Variants in MAOB observed in about 807,000 individuals in gnomAD.
MAOB encodes the protein monoamine oxidase B.
Under a neutral mutation model 41.9 loss-of-function variants are expected in MAOB, and 15 were observed. The observed-to-expected ratio is 0.36, with a 90% confidence interval of 0.24 to 0.55. The LOEUF is 0.55. MAOB is among the 20% of genes least tolerant of loss of function. The pLI, the probability that MAOB is intolerant of heterozygous loss-of-function variation, is 0.86. For synonymous variants in MAOB, 167 were observed against 144.2 expected (o/e 1.16, Z -1.13); for missense variants, 345 against 398.7 (o/e 0.87, Z 1.15).
At chrX:43,853,759 G>A (rs1414097536) in intron 1 of MAOB, among the ~76,000 whole-genome samples, 1 of 111,350 alleles carries the variant, frequency 9.0e-6, no homozygotes, top group Admixed American at 9.5e-5. Flanking sequence ...TAAGCCAAGA[G>A]GCACTAAAGA....
At chrX:43,840,036 G>A (rs2035115380) in intron 2 of MAOB, among the ~76,000 whole-genome samples, 1 of 112,273 alleles carries the variant, frequency 8.9e-6, no homozygotes, top group South Asian at 3.7e-4. Context: ...CTGGAAGTAT[G>A]TGAAGATTTT....
intron 3 of MAOB, among the ~76,000 whole-genome samples, chrX:43,808,385 T>A (rs1234976794): frequency 9.0e-6 from 1 of 111,561 alleles, no homozygotes; most frequent in Non-Finnish European, 1.9e-5. Flanking sequence ...CACCACCAGA[T>A]GACTTGAAGA....
intron 12 of MAOB, among the ~76,000 whole-genome samples, chrX:43,770,742 C>T (rs1311965459): frequency 1.8e-5 from 2 of 111,988 alleles, no homozygotes; most frequent in Non-Finnish European, 3.8e-5. Flanking sequence ...TGAACCATGT[C>T]TAACAGATGT....
chrX:43,809,639 C>T (rs1345051731), intron 3 of MAOB, among the ~76,000 whole-genome samples: 1 of 111,845 alleles, frequency 8.9e-6, no homozygotes, highest in Non-Finnish European at 1.9e-5. Context: ...TAAGATTACA[C>T]AATCTGAGGC....
At chrX:43,834,840 C>T (rs1385266149) in intron 3 of MAOB, among the ~76,000 whole-genome samples, 1 of 112,500 alleles carries the variant, frequency 8.9e-6, no homozygotes, top group East Asian at 2.8e-4. Context: ...TAGGTTAAGA[C>T]CAAAAAGTCC....
chrX:43,796,100 A>T (rs1015287548), intron 6 of MAOB, among the ~76,000 whole-genome samples: 2 of 112,006 alleles, frequency 1.8e-5, no homozygotes, highest in African/African-American at 6.5e-5. Context: ...ATGCTCTTGT[A>T]GATTCCCAGA....
intron 3 of MAOB, among the ~76,000 whole-genome samples, chrX:43,821,173 T>G (rs966423492): frequency 1.8e-5 from 2 of 112,112 alleles, no homozygotes; most frequent in African/African-American, 6.5e-5. Flanking sequence ...TTCTACCGTA[T>G]GAACTAGCAG....
intron 1 of MAOB, among the ~76,000 whole-genome samples, chrX:43,870,794 C>CAAAAAAAAAAAAAAAAAAAAAAAAAAAAA (rs763016344): frequency 9.1e-5 from 2 of 21,937 alleles, no homozygotes; most frequent in Non-Finnish European, 1.6e-4. Flanking sequence ...GACTCCACCT[C>CAAAAAAAAAAAAAAAAAAAAAAAAAAAAA]AAAAAAAAAA....
intron 1 of MAOB, among the ~76,000 whole-genome samples, chrX:43,857,100 TATATATATATATATATAGAGAGAGAGAG>T (rs2035296193): frequency 8.7e-5 from 2 of 23,097 alleles, no homozygotes; most frequent in African/African-American, 3.7e-4. Context: ...TATATATATA[TATATATATATATATATAGAGAGAGAGAG>T]AGAGAGAGAG....
At chrX:43,878,486 C>T (rs969153822) in intron 1 of MAOB, among the ~76,000 whole-genome samples, 3 of 109,715 alleles carry the variant, frequency 2.7e-5, no homozygotes, top group Non-Finnish European at 3.8e-5. Context: ...TGGTCTCAAA[C>T]TCCTGGGCTC....
At chrX:43,819,619 A>G (rs2034858329) in intron 3 of MAOB, among the ~76,000 whole-genome samples, 1 of 111,964 alleles carries the variant, frequency 8.9e-6, no homozygotes, top group African/African-American at 3.3e-5. Context: ...ACAGCCATCC[A>G]TTGAAATGGG....
chrX:43,789,019 T>C (rs1321053293), intron 8 of MAOB, among the ~76,000 whole-genome samples: 1 of 111,455 alleles, frequency 9.0e-6, no homozygotes, highest in Non-Finnish European at 1.9e-5. Context: ...CATAATGAGA[T>C]TTGAGTGTGA....
intron 13 of MAOB, 69 bp from the exon 14 acceptor site, chrX:43,768,785 G>T: frequency 1.1e-6 from 1 of 885,289 alleles, no homozygotes; most frequent in Non-Finnish European, 1.7e-6. Context: ...GCTCCCTAAA[G>T]GACTAAGTAA....
chrX:43,779,192 A>G (rs1022216088), intron 10 of MAOB, among the ~76,000 whole-genome samples: 2 of 112,130 alleles, frequency 1.8e-5, no homozygotes, highest in Non-Finnish European at 3.8e-5. Flanking sequence ...CAAAGAAATA[A>G]GTACAGAAGT....
chrX:43,800,803 A>G (rs2034583469), intron 5 of MAOB, among the ~76,000 whole-genome samples: 2 of 112,064 alleles, frequency 1.8e-5, no homozygotes, highest in South Asian at 7.3e-4. Flanking sequence ...TTAAACGTTA[A>G]AAATACTTCA....
intron 8 of MAOB, among the ~76,000 whole-genome samples, chrX:43,792,707 G>C (rs1177154452): frequency 1.8e-5 from 2 of 112,088 alleles, no homozygotes; most frequent in Non-Finnish European, 3.8e-5. Flanking sequence ...TGGAGAAAAA[G>C]GAGCACTTAT....
intron 2 of MAOB, among the ~76,000 whole-genome samples, chrX:43,840,334 C>A (rs1175766318): frequency 1.8e-5 from 2 of 111,716 alleles, no homozygotes; most frequent in African/African-American, 6.5e-5. Context: ...TAGGCAATTA[C>A]AACAGTCATT....
rs112289658 is a variant in MAOB, at chrX:43,861,856, C to CGTGTGTGTGT, written c.47-18102_47-18093dup. 4.4e-3 allele frequency among the ~76,000 whole-genome samples: 456 copies of CGTGTGTGTGT among 103,167 alleles called. 3 individuals carry two copies. Among genetic ancestry groups the CGTGTGTGTGT allele is most frequent in the African/African-American group, 0.015 (429 of 28,334 alleles). The allele number at this position is 103,167 out of a possible 115,157, so 89.6% of individuals were successfully genotyped here. ...TTTTAGCATTATGCTCCAGCTGAAA[C>CGTGTGTGTGT]GTGTGTGTGTGTGTGTGTGTGTGTG... On this transcript the variant is annotated intron_variant, in intron 1 of 14. Transcript: ENST00000378069.
intron 1 of MAOB, among the ~76,000 whole-genome samples, chrX:43,866,142 G>A (rs2035363910): frequency 9.0e-6 from 1 of 110,794 alleles, no homozygotes; most frequent in Admixed American, 9.6e-5. Flanking sequence ...GCCATGGAAA[G>A]ATCTGAAGCA....
Sources: allele counts gnomAD v4.1 joint callset (sites outside exome capture counted in the v4.1 genomes callset), GRCh38; gene constraint gnomAD v4.1.1; transcripts MANE v1.5; gene names NCBI Gene and HGNC (gene_info 2026-07-23, HGNC 2026-07-21).